The following GRM4 variants were observed in gnomAD, a reference collection of about 807,000 sequenced individuals.
The protein encoded by GRM4 is metabotropic glutamate receptor 4.
Under a neutral mutation model 81.7 loss-of-function variants are expected in GRM4, and 28 were observed. The observed-to-expected ratio is 0.34, with a 90% confidence interval of 0.25 to 0.47. GRM4 has a LOEUF of 0.47. GRM4 is among the 20% of genes least tolerant of loss of function. The pLI is 1.00. For synonymous variants in GRM4, 488 were observed against 528.8 expected (o/e 0.92, Z 1.06); for missense variants, 948 against 1,290.0 (o/e 0.73, Z 4.06).
chr6:34,089,177 C>CACTGGGATGGCCAGGGGG lies in GRM4; in HGVS notation c.736+2705_736+2706insCCCCCTGGCCATCCCAGT, dbSNP rs1311907092. The stretch of plus-strand genomic sequence containing the variant: ...CCAACATGCATCCCAGCCTGGCCAG[C>CACTGGGATGGCCAGGGGG]ATGCCCTCCCCACCACTCCCCTCTC... On this transcript the variant is annotated intron_variant, in intron 3 of 10. Coordinates refer to ENST00000538487, the MANE Select transcript of GRM4 (RefSeq NM_000841.4). The surrounding 1 kb of genome is among the most constrained non-coding windows in gnomAD (Gnocchi z 4.3). Among the ~76,000 whole-genome samples the CACTGGGATGGCCAGGGGG allele has an allele frequency of 2.0e-5, 3 of 152,186 alleles. No homozygotes were observed. The highest frequency in any genetic ancestry group is 4.4e-5 in the Non-Finnish European group (3 of 68,038).
chr6:34,119,413 G>GAGA (rs59375070), intron 2 of GRM4, among the ~76,000 whole-genome samples: 1 of 151,606 alleles, frequency 6.6e-6, no homozygotes, highest in Non-Finnish European at 1.5e-5. Flanking sequence ...AAGAGAGAGA[G>GAGA]GGAGTGAGTG....
chr6:34,145,287 C>A (rs996874766), intron 1 of GRM4, among the ~76,000 whole-genome samples: 2 of 151,864 alleles, frequency 1.3e-5, no homozygotes, highest in Non-Finnish European at 2.9e-5. Context: ...AGCTGGCGGC[C>A]GCCCGGCCGG....
chr6:34,066,699 G>A (rs1766484437), intron 3 of GRM4, among the ~76,000 whole-genome samples: 1 of 151,932 alleles, frequency 6.6e-6, no homozygotes, highest in East Asian at 1.9e-4. Flanking sequence ...GAGAGGAACA[G>A]GACTGAAGAA....
chr6:34,081,388 A>G (rs1422840707), intron 3 of GRM4, among the ~76,000 whole-genome samples: 1 of 152,220 alleles, frequency 6.6e-6, no homozygotes, highest in Non-Finnish European at 1.5e-5. Context: ...GGGTCTGTAC[A>G]CAGGCCAGGC....
Position 34,090,716 on chromosome 6 carries a change from A to T in GRM4, c.736+1167T>A, listed in dbSNP as rs954824286. Among the ~76,000 whole-genome samples the T allele has an allele frequency of 3.3e-5, 5 of 151,816 alleles. No homozygotes were observed. Among genetic ancestry groups the T allele is most frequent in the African/African-American group, 1.2e-4 (5 of 41,346 alleles). On this transcript the variant is annotated intron_variant, in intron 3 of 10. Transcript: ENST00000538487. This position sits in a 1 kb window ranked among gnomAD's most constrained non-coding sequence, Gnocchi z 5.2. ...GTACAATTAAAGGGGCTTATCCGAG[A>T]TTTATAGCAGGATTATGCCCACGGG...
In GRM4 at chr6:34,061,897, T is replaced by C. The variant is rs1300331957; in HGVS notation, c.868A>G (p.Ile290Val). Residue 290 changes from isoleucine (I) to valine (V), a missense_variant, in exon 4 of 11, where the codon ATC becomes GTC. Coordinates refer to ENST00000538487, the MANE Select transcript of GRM4 (RefSeq NM_000841.4). ...CCTGCTGCCACCTGCCCTCACCTGATGTCATCCTCGTTGGCAAAGATGATG... is the reference window on the plus strand; with the variant it reads ...CCTGCTGCCACCTGCCCTCACCTGACGTCATCCTCGTTGGCAAAGATGATG... The part of the protein sequence containing the change: ...AVIIFANEDD[I>V]RRVLEAARRA... 4 of 1,611,786 alleles carry C rather than the reference T, an allele frequency of 2.5e-6. No homozygotes were observed. Among genetic ancestry groups the C allele is most frequent in the Non-Finnish European group, 3.4e-6 (4 of 1,178,388 alleles).
chr6:34,081,967 G>A (rs1002576124), intron 3 of GRM4, among the ~76,000 whole-genome samples: 3 of 152,212 alleles, frequency 2.0e-5, no homozygotes, highest in Admixed American at 1.3e-4. Flanking sequence ...GAGCAGGGCC[G>A]CAGGCTTCAC....
chr6:34,135,313 C>A (rs975553866), intron 1 of GRM4, among the ~76,000 whole-genome samples: 28 of 152,196 alleles, frequency 1.8e-4, no homozygotes, highest in African/African-American at 6.8e-4. Context: ...GCCTTCTAGA[C>A]CCTCATTTCA....
At chr6:34,153,523 T>C (rs1430258395) in intron 1 of GRM4, among the ~76,000 whole-genome samples, 1 of 152,260 alleles carries the variant, frequency 6.6e-6, no homozygotes, top group Non-Finnish European at 1.5e-5. Context: ...GCAGAGGTCA[T>C]GGCTGACGCT....
At position 34,056,562 on chromosome 6, in the gene GRM4, G is replaced by T. The variant is rs1765905453; in HGVS notation, c.1150C>A (p.His384Asn). 2 of 1,613,226 alleles carry T rather than the reference G, an allele frequency of 1.2e-6. No homozygotes were observed. The highest frequency in any genetic ancestry group is 1.7e-6 in the Non-Finnish European group (2 of 1,179,822). The change falls in exon 6 of 11, where the codon CAC becomes AAC. Residue 384 changes from histidine (H) to asparagine (N), a missense_variant. By Grantham distance (68) the His-to-Asn change is moderately conservative. Transcript: ENST00000538487. ...LSRHALKKGS[H>N]VKKCTNRERI... Reference sequence around the variant, plus strand: ...TGCTCACTGGTGCACTTCTTGACGTGGCTGCCCTTCTTGAGGGCGTGGCGG... The same window carrying T: ...TGCTCACTGGTGCACTTCTTGACGTTGCTGCCCTTCTTGAGGGCGTGGCGG...
Position 34,042,974 on chromosome 6 carries a change from G to A in GRM4, c.1169-2226C>T, listed in dbSNP as rs1765088653. 6.6e-6 allele frequency among the ~76,000 whole-genome samples: 1 copy of A among 152,162 alleles called. No individual in the cohort carries two copies. The highest frequency in any genetic ancestry group is 2.4e-5 in the African/African-American group (1 of 41,416). ...CCATTTTCAGCCTTCCTCAGGGTAG[G>A]TACTCAGATATTGCTGAGTGGACAG... On this transcript the variant is annotated intron_variant, in intron 6 of 10. Coordinates refer to ENST00000538487, the MANE Select transcript of GRM4 (RefSeq NM_000841.4). This position sits in a 1 kb window ranked among gnomAD's most constrained non-coding sequence, Gnocchi z 4.2.
At chr6:34,116,592 G>A (rs952788873) in intron 2 of GRM4, among the ~76,000 whole-genome samples, 1 of 152,074 alleles carries the variant, frequency 6.6e-6, no homozygotes, top group Non-Finnish European at 1.5e-5. Flanking sequence ...AGTCTCTTTG[G>A]GAAAATGATT....
intron 6 of GRM4, among the ~76,000 whole-genome samples, chr6:34,049,760 C>T (rs1765522585): frequency 6.6e-6 from 1 of 152,022 alleles, no homozygotes; most frequent in African/African-American, 2.4e-5. Context: ...ACCTTCAATC[C>T]TTCCATAAAC....
intron 2 of GRM4, 29 bp downstream of exon 2, chr6:34,132,949 C>T: frequency 6.5e-7 from 1 of 1,546,722 alleles, no homozygotes; most frequent in Non-Finnish European, 8.8e-7. Flanking sequence ...GGGGGAAGAG[C>T]ACCTCAGGGG....
chr6:34,085,824 C>T (rs576985235), intron 3 of GRM4, among the ~76,000 whole-genome samples: 6 of 152,182 alleles, frequency 3.9e-5, no homozygotes, highest in Admixed American at 2.0e-4. Context: ...GAGAGTAGGA[C>T]GGAGGCAGGG....
At position 34,020,779 on chromosome 6, in the gene GRM4, G is replaced by A. The variant is rs1763843976; in HGVS notation, c.*2042C>T. ...GAAGAGATTTCCTATGCACAGATGT[G>A]TGAGATGCCCAGGCCAGGAGTAAGA... On this transcript the variant is annotated 3_prime_UTR_variant, in exon 11 of 11. Coordinates refer to ENST00000538487, the MANE Select transcript of GRM4 (RefSeq NM_000841.4). 2 of 152,306 alleles carry A rather than the reference G, an allele frequency of 1.3e-5. No homozygotes were observed. The highest frequency in any genetic ancestry group is 1.5e-5 in the Non-Finnish European group (1 of 68,148). The allele number at this position is 152,306 out of a possible 1,614,324, so 9.4% of individuals were successfully genotyped here.
At chr6:34,140,565 T>A (rs569142854) in intron 1 of GRM4, among the ~76,000 whole-genome samples, 1 of 152,192 alleles carries the variant, frequency 6.6e-6, no homozygotes, top group Non-Finnish European at 1.5e-5. Flanking sequence ...GCCTCCCTGC[T>A]CAGCCTAGAA....
rs1244018487 is a variant in GRM4 at position 34,059,257 on chromosome 6, C to T, written c.873-129G>A. The T allele has an allele frequency of 3.6e-5, 28 of 783,710 alleles. No individual in the cohort carries two copies. The East Asian group carries it at 4.0e-4, about 11-fold the overall frequency. 48.5% of individuals were successfully genotyped at this position (783,710 alleles called of 1,614,324 possible). A position where few individuals can be genotyped will look rare whatever the true frequency, so the allele number is the denominator to read the frequency against. ...CCAGGGTCCACAACTGTCCCAGCAC[C>T]GATGCTTTCACCCCAAGCCATGGAT... On this transcript the variant is annotated intron_variant, in intron 4 of 10. Transcript: ENST00000538487. The surrounding 1 kb of genome is among the most constrained non-coding windows in gnomAD (Gnocchi z 5.7).
At chr6:34,128,696 C>T (rs2127508655) in intron 2 of GRM4, among the ~76,000 whole-genome samples, 1 of 151,988 alleles carries the variant, frequency 6.6e-6, no homozygotes, top group South Asian at 2.1e-4. Context: ...ATTTTTAATC[C>T]CCGTGCTGTC....
Sources: allele counts gnomAD v4.1 joint callset (sites outside exome capture counted in the v4.1 genomes callset), GRCh38; gene constraint gnomAD v4.1.1; non-coding constraint Gnocchi (gnomAD v3.1); transcripts MANE v1.5; gene names NCBI Gene and HGNC (gene_info 2026-07-23, HGNC 2026-07-21).